The following EPHB6 variants were observed in gnomAD, a reference collection of about 807,000 sequenced individuals.
EPHB6 encodes the protein ephrin type-B receptor 6.
In EPHB6, 51 loss-of-function variants were observed where a neutral mutation model predicts 107.0. The ratio of observed to expected loss-of-function variants is 0.48; its 90% CI spans 0.38 to 0.60. The LOEUF is 0.60. Among genes scored for constraint, EPHB6 ranks in the 20% least tolerant of loss-of-function variants. The pLI is 0.00. For missense variants in EPHB6, 1,141 were observed against 1,355.5 expected, an observed-to-expected ratio of 0.84 and a Z score of 2.48; for synonymous variants, 553 against 549.0, an observed-to-expected ratio of 1.01 and a Z score of -0.10.
chr7:142,870,224 C>A lies in EPHB6; in HGVS notation c.2621C>A (p.Ala874Glu), dbSNP rs140748660. 1.2e-6 allele frequency: 2 copies of A among 1,614,178 alleles called. No individual in the cohort carries two copies. Among genetic ancestry groups the A allele is most frequent in the East Asian group, 4.5e-5 (2 of 44,876 alleles). The change falls in exon 18 of 20, where the codon GCA becomes GAA. Residue 874 changes from alanine (A) to glutamate (E), a missense_variant. By Grantham distance (107) the Ala-to-Glu change is moderately radical. Coordinates refer to ENST00000652003, the MANE Select transcript of EPHB6 (RefSeq NM_004445.6). ...TCCTCTGACCCCCAGGTACTAAATGCAATAGAGCAGGAGTTCCGGCTGCCC... is the reference window on the plus strand; with the variant it reads ...TCCTCTGACCCCCAGGTACTAAATGAAATAGAGCAGGAGTTCCGGCTGCCC... ...WDMSEQEVLNAIEQEFRLPPP... is the reference protein window; with the variant it reads ...WDMSEQEVLNEIEQEFRLPPP...
In EPHB6 at chr7:142,867,214, G is replaced by C. The variant is rs548603468; in HGVS notation, c.1750+146G>C. Reference sequence around the variant, plus strand: ...AAAGGAGAGTGCCTTTTGCTCAGCAGCTGACCTAGGGGCTACTCGGGGAGG... The same window carrying C: ...AAAGGAGAGTGCCTTTTGCTCAGCACCTGACCTAGGGGCTACTCGGGGAGG... On this transcript the variant is annotated intron_variant, in intron 11 of 19. Coordinates refer to ENST00000652003, the MANE Select transcript of EPHB6 (RefSeq NM_004445.6). The surrounding 1 kb of genome is among the most constrained non-coding windows in gnomAD (Gnocchi z 5.3). 18 of 1,021,236 alleles carry C rather than the reference G, an allele frequency of 1.8e-5. No individual in the cohort carries two copies. In the South Asian group the frequency reaches 2.9e-4, roughly 16 times the overall value. 63.3% of individuals were successfully genotyped at this position (1,021,236 alleles called of 1,614,324 possible). A position where few individuals can be genotyped will look rare whatever the true frequency, so the allele number is the denominator to read the frequency against.
intron 7 of EPHB6, among the ~76,000 whole-genome samples, chr7:142,864,966 C>T (rs1186184511): frequency 6.6e-6 from 1 of 152,224 alleles, no homozygotes; most frequent in African/African-American, 2.4e-5. Context: ...TGGAGCCTTT[C>T]ACAGCAATTG....
rs751214869 is a variant in EPHB6 at position 142,866,213 on chromosome 7, A to C, written c.1359A>C (p.Ala453=). The part of the protein sequence containing the change: ...ESRVLVGGLR[A]HVPYILEVQA... Reference sequence around the variant, plus strand: ...GAGTGTTAGTGGGGGGACTCCGGGCACACGTACCCTACATCTTAGAGGTGC... The same window carrying C: ...GAGTGTTAGTGGGGGGACTCCGGGCCCACGTACCCTACATCTTAGAGGTGC... The change falls in exon 9 of 20, where the codon GCA becomes GCC. Residue 453 remains alanine, a synonymous_variant. Coordinates refer to ENST00000652003, the MANE Select transcript of EPHB6 (RefSeq NM_004445.6). This position sits in a 1 kb window ranked among gnomAD's most constrained non-coding sequence, Gnocchi z 5.2. The C allele has an allele frequency of 2.5e-6, 4 of 1,614,088 alleles. No individual in the cohort carries two copies. The highest frequency in any genetic ancestry group is 2.5e-6 in the Non-Finnish European group (3 of 1,180,012).
In EPHB6 at chr7:142,867,694, A is replaced by G; in HGVS notation, c.1837A>G (p.Ile613Val). Residue 613 changes from isoleucine (I) to valine (V), a missense_variant, in exon 12 of 20, where the codon ATC becomes GTC. Ile to Val is a conservative substitution (Grantham distance 29). Coordinates refer to ENST00000652003, the MANE Select transcript of EPHB6 (RefSeq NM_004445.6). The surrounding 1 kb of genome is among the most constrained non-coding windows in gnomAD (Gnocchi z 5.3). Reference sequence around the variant, plus strand: ...TTTGGCCTTCCTCCTGCTGGCAGCCATCACCGTGCTGGCGGTCGTCTTCCA... The same window carrying G: ...TTTGGCCTTCCTCCTGCTGGCAGCCGTCACCGTGCTGGCGGTCGTCTTCCA... ...GALAFLLLAA[I>V]TVLAVVFQRK... The G allele has an allele frequency of 6.2e-7, 1 of 1,613,122 alleles. No homozygotes were observed. The highest frequency in any genetic ancestry group is 1.1e-5 in the South Asian group (1 of 90,820).
At position 142,864,007 on chromosome 7, in the gene EPHB6, T is replaced by C; in HGVS notation, c.207T>C (p.Thr69=). The C allele has an allele frequency of 6.2e-7, 1 of 1,614,186 alleles. No homozygotes were observed. Among genetic ancestry groups the C allele is most frequent in the Non-Finnish European group, 8.5e-7 (1 of 1,180,026 alleles). ...TTCTGGACGACCAGCGACGCCTGAC[T>C]CGGACCTTTGAGGCATGTCATGTGG... ...VSVLDDQRRL[T]RTFEACHVAG... is the part of the protein sequence containing the mutation. The change falls in exon 7 of 20, where the codon ACT becomes ACC. Residue 69 remains threonine, a synonymous_variant. Coordinates refer to ENST00000652003, the MANE Select transcript of EPHB6 (RefSeq NM_004445.6).
intron 7 of EPHB6, 106 bp downstream of exon 7, chr7:142,864,855 G>A: frequency 5.0e-6 from 7 of 1,394,924 alleles, no homozygotes; most frequent in African/African-American, 1.4e-5. Flanking sequence ...AAAAGGTCAG[G>A]AATAAGCCAT....
chr7:142,866,420 C>T lies in EPHB6; in HGVS notation c.1463-61C>T. 6.2e-7 allele frequency: 1 copy of T among 1,613,052 alleles called. No individual in the cohort carries two copies. Among genetic ancestry groups the T allele is most frequent in the Non-Finnish European group, 8.5e-7 (1 of 1,179,920 alleles). ...TGGTCCACCCCTGCCGCCCTCCCCTCAAGGCTGATCCTGCTCCCAGGGACT... is the reference window on the plus strand; with the variant it reads ...TGGTCCACCCCTGCCGCCCTCCCCTTAAGGCTGATCCTGCTCCCAGGGACT... On this transcript the variant is annotated intron_variant, in intron 9 of 19. Coordinates refer to ENST00000652003, the MANE Select transcript of EPHB6 (RefSeq NM_004445.6). The surrounding 1 kb of genome is among the most constrained non-coding windows in gnomAD (Gnocchi z 5.2).
intron 2 of EPHB6, among the ~76,000 whole-genome samples, chr7:142,861,527 A>G (rs1802839837): frequency 1.3e-5 from 2 of 152,190 alleles, no homozygotes; most frequent in South Asian, 2.1e-4. Context: ...GCTCTTCCAT[A>G]GATATCCTTC....
At chr7:142,860,413 T>C (rs1047938688) in intron 1 of EPHB6, among the ~76,000 whole-genome samples, 9 of 152,346 alleles carry the variant, frequency 5.9e-5, no homozygotes, top group African/African-American at 1.9e-4. Context: ...GTCTCCAAAT[T>C]AAGCCATTGA....
chr7:142,866,106 G>C lies in EPHB6; in HGVS notation c.1252G>C (p.Ala418Pro), dbSNP rs865861865. The change falls in exon 9 of 20, where the codon GCC becomes CCC. Residue 418 changes from alanine (A) to proline (P), a missense_variant. Around this residue, in one of 3 missense-constraint regions of EPHB6, gnomAD observed 304 missense variants for 295.7 expected, o/e 1.03. Transcript: ENST00000652003. The surrounding 1 kb of genome is among the most constrained non-coding windows in gnomAD (Gnocchi z 5.2). Reference sequence around the variant, plus strand: ...GGAGTGTGAAGGCCGCCAGGAACCTGCCAGCGGTGGTGGGGGCACTTGTCA... The same window carrying C: ...GGAGTGTGAAGGCCGCCAGGAACCTCCCAGCGGTGGTGGGGGCACTTGTCA... ...CKECEGRQEP[A>P]SGGGGTCHRC... 23 of 1,612,416 alleles carry C rather than the reference G, an allele frequency of 1.4e-5. No homozygotes were observed. Among genetic ancestry groups the C allele is most frequent in the Non-Finnish European group, 1.9e-5 (22 of 1,179,308 alleles).
At chr7:142,856,722 A>G (rs1397152739) in intron 1 of EPHB6, among the ~76,000 whole-genome samples, 1 of 152,126 alleles carries the variant, frequency 6.6e-6, no homozygotes, top group Non-Finnish European at 1.5e-5. Context: ...TTTCTGCAGA[A>G]GTACCTCCTG....
At position 142,868,001 on chromosome 7, in the gene EPHB6, C is replaced by A; in HGVS notation, c.1870C>A (p.Arg624=). 1 of 1,576,792 alleles carries A rather than the reference C, an allele frequency of 6.3e-7. No individual in the cohort carries two copies. Among genetic ancestry groups the A allele is most frequent in the East Asian group, 2.3e-5 (1 of 42,678 alleles). The change falls in exon 13 of 20, where the codon CGG becomes AGG. Residue 624 remains arginine, a synonymous_variant. Transcript: ENST00000652003. This position sits in a 1 kb window ranked among gnomAD's most constrained non-coding sequence, Gnocchi z 4.2. ...TVLAVVFQRK[R]RGTGYTEQLQ... is the part of the protein sequence containing the mutation. ...AGTCACCGTTTTGTTCCTCAGGAAGCGGCGTGGGACTGGCTACACAGAGCA... is the reference window on the plus strand; with the variant it reads ...AGTCACCGTTTTGTTCCTCAGGAAGAGGCGTGGGACTGGCTACACAGAGCA...
chr7:142,862,228 C>G (rs1802875041), intron 3 of EPHB6, 95 bp downstream of exon 3: 1 of 152,112 alleles, frequency 6.6e-6, no homozygotes, highest in South Asian at 2.1e-4. Flanking sequence ...TCCCAAAGGC[C>G]CCATCTTCTA....
In EPHB6 at chr7:142,863,334, GGGAGGGGAGACA is replaced by G. The variant is rs768582853; in HGVS notation, c.100+12_100+23del. 2 of 1,613,744 alleles carry G rather than the reference GGGAGGGGAGACA, an allele frequency of 1.2e-6. No individual in the cohort carries two copies. The highest frequency in any genetic ancestry group is 1.7e-6 in the Non-Finnish European group (2 of 1,179,684). On this transcript the variant is annotated splice_region_variant and intron_variant, in intron 5 of 19. Coordinates refer to ENST00000652003, the MANE Select transcript of EPHB6 (RefSeq NM_004445.6). ...TCAGTTCTGGCTCTGGAAGGTAAGA[GGGAGGGGAGACA>G]GGAGAACCCAGACCTGCCATAGAGA...
At chr7:142,860,810 C>T (rs1802807263) in intron 1 of EPHB6, among the ~76,000 whole-genome samples, 1 of 152,146 alleles carries the variant, frequency 6.6e-6, no homozygotes, top group South Asian at 2.1e-4. Context: ...ACTTCATGGA[C>T]AGCACAGCCC....
At chr7:142,863,943 G>C (rs1380742037) in intron 6 of EPHB6, 23 bp from the exon 7 acceptor site, 1 of 1,614,186 alleles carries the variant, frequency 6.2e-7, no homozygotes, top group Non-Finnish European at 8.5e-7. Flanking sequence ...AGCCCCTAAA[G>C]CTTCTCCTGG....
Position 142,867,963 on chromosome 7 carries a change from G to T in EPHB6, c.1866-34G>T. 3.2e-6 allele frequency: 5 copies of T among 1,556,032 alleles called. No homozygotes were observed. The highest frequency in any genetic ancestry group is 4.3e-6 in the Non-Finnish European group (5 of 1,150,340). On this transcript the variant is annotated intron_variant, in intron 12 of 19. Coordinates refer to ENST00000652003, the MANE Select transcript of EPHB6 (RefSeq NM_004445.6). The surrounding 1 kb of genome is among the most constrained non-coding windows in gnomAD (Gnocchi z 5.3). ...GGGGGCAGCAAGGGGGTGGAAATGGGAGCGTCATCCCCAGTCACCGTTTTG... is the reference window on the plus strand; with the variant it reads ...GGGGGCAGCAAGGGGGTGGAAATGGTAGCGTCATCCCCAGTCACCGTTTTG...
In EPHB6 at chr7:142,866,347, C is replaced by T. The variant is rs113069441; in HGVS notation, c.1462+31C>T. On this transcript the variant is annotated intron_variant, in intron 9 of 19. Coordinates refer to ENST00000652003, the MANE Select transcript of EPHB6 (RefSeq NM_004445.6). This position sits in a 1 kb window ranked among gnomAD's most constrained non-coding sequence, Gnocchi z 5.2. The stretch of plus-strand genomic sequence containing the variant: ...CTCTTTTCCTTGGCCTTCAGGATCC[C>T]CTGCCTCCGCTCCTTTGAGCCCCCT... The T allele has an allele frequency of 2.2e-5, 36 of 1,612,832 alleles. 1 individual carries two copies. The African/African-American group carries it at 3.5e-4, about 16-fold the overall frequency.
At position 142,868,364 on chromosome 7, in the gene EPHB6, C is replaced by A. The variant is rs2116467667; in HGVS notation, c.2038+4C>A. ...ATTGAGGAGGTCATTGGGACAGGTA[C>A]AGCAGGGCCAAAGCAGGGATCAGAG... is the stretch of plus-strand genomic sequence containing the variant. On this transcript the variant is annotated splice_donor_region_variant and intron_variant, in intron 14 of 19. Coordinates refer to ENST00000652003, the MANE Select transcript of EPHB6 (RefSeq NM_004445.6). The surrounding 1 kb of genome is among the most constrained non-coding windows in gnomAD (Gnocchi z 4.2). 1 of 1,614,150 alleles carries A rather than the reference C, an allele frequency of 6.2e-7. No homozygotes were observed. The highest frequency in any genetic ancestry group is 8.5e-7 in the Non-Finnish European group (1 of 1,180,016).
Sources: allele counts gnomAD v4.1 joint callset (sites outside exome capture counted in the v4.1 genomes callset), GRCh38; gene constraint gnomAD v4.1.1; regional missense constraint gnomAD v4.1.1; non-coding constraint Gnocchi (gnomAD v3.1); transcripts MANE v1.5; gene names NCBI Gene and HGNC (gene_info 2026-07-23, HGNC 2026-07-21).